PLEKHA8: variants seen among roughly 807,000 people sequenced by gnomAD.
PLEKHA8 encodes pleckstrin homology domain containing A8.
Under a neutral mutation model 68.2 loss-of-function variants are expected in PLEKHA8, and 36 were observed. That is an observed-to-expected ratio of 0.53 (90% CI 0.40 to 0.70). The LOEUF is 0.70. Among genes scored for constraint, PLEKHA8 ranks in the 30% least tolerant of loss-of-function variants. The pLI is 0.00. For synonymous variants in PLEKHA8, 211 were observed against 216.1 expected (o/e 0.98, Z 0.20); for missense variants, 505 against 615.4 (o/e 0.82, Z 1.90).
rs1794926241 is a variant in PLEKHA8, at chr7:30,081,467, C to G, written c.*2680C>G. 1 of 984,976 alleles carries G rather than the reference C, an allele frequency of 1.0e-6. No homozygotes were observed. Among genetic ancestry groups the G allele is most frequent in the Admixed American group, 6.2e-5 (1 of 16,256 alleles). The allele number at this position is 984,976 out of a possible 1,614,324, so 61.0% of individuals were successfully genotyped here. ...CTCCTACATCTAAAGTATTTGCTCT[C>G]TGTTTTAGTTAAAGTCATAATTTGC... On this transcript the variant is annotated 3_prime_UTR_variant, in exon 14 of 14. Transcript: ENST00000449726.
At chr7:30,089,767 G>C (rs1795336906) in intron 12 of PLEKHA8, among the ~76,000 whole-genome samples, 1 of 152,098 alleles carries the variant, frequency 6.6e-6, no homozygotes, top group Non-Finnish European at 1.5e-5. Flanking sequence ...AGAGAACTTA[G>C]AAAACATGAA....
rs572430275 is a variant in PLEKHA8, at chr7:30,028,576, C to T, written c.-187C>T. 940 of 398,632 alleles carry T rather than the reference C, an allele frequency of 2.4e-3. 13 individuals carry two copies. Among genetic ancestry groups the T allele is most frequent in the African/African-American group, 0.016 (788 of 48,220 alleles). The allele number at this position is 398,632 out of a possible 1,614,324, so 24.7% of individuals were successfully genotyped here. On this transcript the variant is annotated 5_prime_UTR_variant, in exon 1 of 14. Transcript: ENST00000449726. ...CTGGCTGGGCTTCAAGCGCCGAGGC[C>T]GCCGCAGTGACCCCGCCCCCGGGCC...
At chr7:30,075,333 A>G (rs748446081) in intron 13 of PLEKHA8, among the ~76,000 whole-genome samples, 2 of 152,210 alleles carry the variant, frequency 1.3e-5, no homozygotes, top group Non-Finnish European at 2.9e-5. Flanking sequence ...CTTACCTTCA[A>G]TACACCTTGA....
chr7:30,068,832 T>G (rs924938845), intron 12 of PLEKHA8, among the ~76,000 whole-genome samples: 7 of 152,216 alleles, frequency 4.6e-5, no homozygotes, highest in African/African-American at 1.4e-4. Flanking sequence ...GACATTTTCT[T>G]CTCGAAGTTT....
chr7:30,038,946 A>G (rs1467275482), intron 1 of PLEKHA8, among the ~76,000 whole-genome samples: 4 of 151,856 alleles, frequency 2.6e-5, no homozygotes, highest in African/African-American at 9.7e-5. Flanking sequence ...TAAAATTAAC[A>G]TGAGGTATGC....
downstream of PLEKHA8, among the ~76,000 whole-genome samples, chr7:30,089,128 T>G (rs1311896963): frequency 2.0e-5 from 3 of 152,140 alleles, no homozygotes; most frequent in Non-Finnish European, 2.9e-5. Context: ...AGTCCAGTCC[T>G]CTAGTAAAAG....
chr7:30,061,001 T>G (rs376581512), intron 10 of PLEKHA8, 59 bp downstream of exon 10: 248 of 1,515,540 alleles, frequency 1.6e-4, no homozygotes, highest in Admixed American at 7.2e-4. Context: ...GTTCTCAACA[T>G]TTTTGTGCTT....
intron 13 of PLEKHA8, among the ~76,000 whole-genome samples, chr7:30,125,731 TA>T (rs1300450389): frequency 6.6e-6 from 1 of 152,202 alleles, no homozygotes; most frequent in East Asian, 1.9e-4. Context: ...TGGAGTTTTA[TA>T]AAAAATAAAA....
At position 30,055,402 on chromosome 7, in the gene PLEKHA8, A is replaced by G. The variant is rs567864649; in HGVS notation, c.1039+60A>G. On this transcript the variant is annotated intron_variant, in intron 9 of 13. Transcript: ENST00000449726. ...GTCTAGAATCTGCCTCACTGTAGTT[A>G]TTTTGCAGGAGAAATACCCCAAACT... 919 of 1,477,156 alleles carry G rather than the reference A, an allele frequency of 6.2e-4. 3 individuals carry two copies. The highest frequency in any genetic ancestry group is 5.5e-3 in the Middle Eastern group (32 of 5,782). The allele number at this position is 1,477,156 out of a possible 1,614,324, so 91.5% of individuals were successfully genotyped here.
intron 13 of PLEKHA8, among the ~76,000 whole-genome samples, chr7:30,109,268 C>T (rs952061520): frequency 6.6e-6 from 1 of 152,122 alleles, no homozygotes; most frequent in Non-Finnish European, 1.5e-5. Flanking sequence ...ATAATGTTGA[C>T]ATTTCATATG....
exon 13 of PLEKHA8, chr7:30,090,259 C>G: frequency 1.3e-6 from 2 of 1,497,552 alleles, no homozygotes; most frequent in Non-Finnish European, 1.8e-6. Context: ...AAGCAAGTCA[C>G]CAAGGGACCT....
In PLEKHA8 at chr7:30,082,317, A is replaced by G. The variant is rs1160185723; in HGVS notation, c.*3530A>G. 27 of 985,492 alleles carry G rather than the reference A, an allele frequency of 2.7e-5. No individual in the cohort carries two copies. The highest frequency in any genetic ancestry group is 7.0e-5 in the African/African-American group (4 of 57,328). 61.0% of individuals were successfully genotyped at this position (985,492 alleles called of 1,614,324 possible). On this transcript the variant is annotated 3_prime_UTR_variant, in exon 14 of 14. Transcript: ENST00000449726. Reference sequence around the variant, plus strand: ...CAGCAGTACCGCCATCAGCACACCAAATCTACCCCCACTTATGTTTGTTCT... The same window carrying G: ...CAGCAGTACCGCCATCAGCACACCAGATCTACCCCCACTTATGTTTGTTCT...
rs1794894357 is a variant in PLEKHA8, at chr7:30,080,826, GC to G, written c.*2044del. On this transcript the variant is annotated 3_prime_UTR_variant, in exon 14 of 14. Coordinates refer to ENST00000449726, the MANE Select transcript of PLEKHA8 (RefSeq NM_001197026.2). ...GGGGATAGTCCCTGCCCTTGACATA[GC>G]CCCCTAAAACGGAAAAAGAAAAAGC... 7.1e-6 allele frequency: 7 copies of G among 985,288 alleles called. No homozygotes were observed. In the South Asian group the frequency reaches 2.8e-4, roughly 40 times the overall value. The allele number at this position is 985,288 out of a possible 1,614,324, so 61.0% of individuals were successfully genotyped here.
At chr7:30,099,480 G>A (rs1170836366) in intron 13 of PLEKHA8, among the ~76,000 whole-genome samples, 2 of 152,178 alleles carry the variant, frequency 1.3e-5, no homozygotes, top group Non-Finnish European at 2.9e-5. Context: ...GTGAAGGCGA[G>A]GCACAAAGTC....
chr7:30,082,859 T>C lies in PLEKHA8; in HGVS notation c.*4072T>C. The C allele has an allele frequency of 1.0e-6, 1 of 985,258 alleles. No individual in the cohort carries two copies. Among genetic ancestry groups the C allele is most frequent in the South Asian group, 4.7e-5 (1 of 21,284 alleles). The allele number at this position is 985,258 out of a possible 1,614,324, so 61.0% of individuals were successfully genotyped here. A position where few individuals can be genotyped will look rare whatever the true frequency, so the allele number is the denominator to read the frequency against. ...AGCAATAGACGATGATGCGAGGCAT[T>C]TGGGGAGCTTCCTGGAGGAAAATTA... On this transcript the variant is annotated 3_prime_UTR_variant, in exon 14 of 14. Coordinates refer to ENST00000449726, the MANE Select transcript of PLEKHA8 (RefSeq NM_001197026.2).
chr7:30,066,859 G>A (rs1793881714), intron 12 of PLEKHA8, among the ~76,000 whole-genome samples: 1 of 152,210 alleles, frequency 6.6e-6, no homozygotes, highest in Non-Finnish European at 1.5e-5. Flanking sequence ...GCTCAGTCAT[G>A]TATTTAATAT....
intron 13 of PLEKHA8, among the ~76,000 whole-genome samples, chr7:30,100,484 G>C (rs1795809656): frequency 6.7e-6 from 1 of 148,256 alleles, no homozygotes; most frequent in Non-Finnish European, 1.5e-5. Flanking sequence ...CCTAGGAGGT[G>C]GAGGTTGCAG....
intron 13 of PLEKHA8, among the ~76,000 whole-genome samples, chr7:30,078,346 T>C (rs550473788): frequency 6.6e-6 from 1 of 152,324 alleles, no homozygotes; most frequent in African/African-American, 2.4e-5. Flanking sequence ...TGTGATAGCA[T>C]TATTTATCCT....
At chr7:30,106,444 C>T (rs572274181) in intron 13 of PLEKHA8, among the ~76,000 whole-genome samples, 117 of 152,220 alleles carry the variant, frequency 7.7e-4, no homozygotes, top group African/African-American at 2.7e-3. Flanking sequence ...TATGAATAGC[C>T]ACTTGTCTTG....
Sources: gnomAD v4.1 joint callset for allele counts (sites outside exome capture counted in the v4.1 genomes callset) on GRCh38, gnomAD v4.1.1 for gene constraint, MANE v1.5 for transcripts, NCBI Gene and HGNC (gene_info 2026-07-23, HGNC 2026-07-21) for gene names.